The following DRGX variants were observed in gnomAD, a reference collection of about 807,000 sequenced individuals.
DRGX encodes dorsal root ganglia homeobox protein.
A neutral mutation model predicts 28.6 loss-of-function variants in DRGX; 21 were observed. The ratio of observed to expected loss-of-function variants is 0.73; its 90% confidence interval spans 0.52 to 1.06. The LOEUF (loss-of-function observed/expected upper bound fraction) is 1.06, where lower values mean the gene tolerates loss of function less well. DRGX is among the 50% of genes least tolerant of loss of function. The pLI is 0.00. For missense variants in DRGX, 354 were observed against 343.9 expected, an observed-to-expected ratio of 1.03 and a Z score of -0.23; for synonymous variants, 136 against 139.1, an observed-to-expected ratio of 0.98 and a Z score of 0.16.
rs540249602 is a variant in DRGX, at chr10:49,366,481, G to A, written c.527-100C>T. 27 of 1,475,158 alleles carry A rather than the reference G, an allele frequency of 1.8e-5. No homozygotes were observed. In the East Asian group the frequency reaches 5.9e-4, roughly 32 times the overall value. The allele number at this position is 1,475,158 out of a possible 1,614,324, so 91.4% of individuals were successfully genotyped here. ...CTGAGTTCTGAAGGACAGAAAGATT[G>A]ATTCCCTCTGGTGCCAGATACTAAA... On this transcript the variant is annotated intron_variant, in intron 6 of 6. Transcript: ENST00000374139.
intron 6 of DRGX, among the ~76,000 whole-genome samples, chr10:49,381,278 C>T (rs987068264): frequency 6.6e-6 from 1 of 152,244 alleles, no homozygotes; most frequent in African/African-American, 2.4e-5. Context: ...CACCTGGTAA[C>T]CCTGCAGACT....
chr10:49,374,347 C>T (rs1008997849), intron 6 of DRGX, among the ~76,000 whole-genome samples: 4 of 152,188 alleles, frequency 2.6e-5, no homozygotes, highest in Non-Finnish European at 5.9e-5. Context: ...CCATGAGATT[C>T]ACCAGCAACC....
chr10:49,382,784 A>T (rs150861953), intron 6 of DRGX, among the ~76,000 whole-genome samples: 1 of 152,186 alleles, frequency 6.6e-6, no homozygotes, highest in Non-Finnish European at 1.5e-5. Flanking sequence ...TGCCTATGCC[A>T]TTCCCTACAC....
intron 6 of DRGX, among the ~76,000 whole-genome samples, chr10:49,367,058 A>T (rs1849609187): frequency 6.6e-6 from 1 of 152,236 alleles, no homozygotes. Flanking sequence ...AATAGTGGCT[A>T]TTTAAAAATG....
chr10:49,389,014 T>C (rs1466204070), intron 4 of DRGX, among the ~76,000 whole-genome samples: 1 of 152,186 alleles, frequency 6.6e-6, no homozygotes, highest in East Asian at 1.9e-4. Context: ...TGCTCAATAA[T>C]TGTGTCATTT....
At chr10:49,377,220 A>G (rs2132475204) in intron 6 of DRGX, among the ~76,000 whole-genome samples, 1 of 152,246 alleles carries the variant, frequency 6.6e-6, no homozygotes, top group East Asian at 1.9e-4. Flanking sequence ...ACTGCATTAC[A>G]TTTTACTCTG....
intron 2 of DRGX, among the ~76,000 whole-genome samples, chr10:49,393,219 T>A (rs1183616624): frequency 6.6e-6 from 1 of 152,130 alleles, no homozygotes; most frequent in Non-Finnish European, 1.5e-5. Context: ...AATCAGTAGA[T>A]CTATATGCAT....
chr10:49,372,349 T>G (rs1440176970), intron 6 of DRGX, among the ~76,000 whole-genome samples: 3 of 152,128 alleles, frequency 2.0e-5, no homozygotes, highest in Non-Finnish European at 2.9e-5. Flanking sequence ...AATGCAGCTG[T>G]GTAGAGCAGA....
intron 6 of DRGX, among the ~76,000 whole-genome samples, chr10:49,376,313 C>A (rs1156345145): frequency 6.6e-6 from 1 of 152,222 alleles, no homozygotes; most frequent in Admixed American, 6.5e-5. Context: ...GACCCAGCCA[C>A]TTTCCCCATG....
In DRGX at chr10:49,391,266, C is replaced by T; in HGVS notation, c.35-5G>A. The T allele has an allele frequency of 6.2e-7, 1 of 1,607,388 alleles. No homozygotes were observed. Among genetic ancestry groups the T allele is most frequent in the Non-Finnish European group, 8.5e-7 (1 of 1,176,864 alleles). On this transcript the variant is annotated splice_polypyrimidine_tract_variant and splice_region_variant and intron_variant, in intron 2 of 6. Transcript: ENST00000374139. ...GATTGCCAAAGGTTGCAGTGCCTAC[C>T]AAGAGCAAACTGATCAACCTGGGCA...
At chr10:49,391,347 T>G in intron 2 of DRGX, 86 bp from the exon 3 acceptor site, 1 of 1,035,256 alleles carries the variant, frequency 9.7e-7, no homozygotes, top group Non-Finnish European at 1.5e-6. Context: ...GGCACCCACC[T>G]GACCCACCAG....
intron 2 of DRGX, among the ~76,000 whole-genome samples, chr10:49,392,581 A>G (rs1198619293): frequency 6.6e-6 from 1 of 152,236 alleles, no homozygotes; most frequent in African/African-American, 2.4e-5. Flanking sequence ...TGAGGATGGA[A>G]CACAATCTCT....
intron 6 of DRGX, among the ~76,000 whole-genome samples, chr10:49,377,858 G>A (rs1450608503): frequency 2.6e-5 from 4 of 152,038 alleles, no homozygotes; most frequent in African/African-American, 9.7e-5. Context: ...CTAACTTTTG[G>A]GGCAACCACA....
chr10:49,376,554 A>G lies in DRGX; in HGVS notation c.526+9924T>C, dbSNP rs1339490348. On this transcript the variant is annotated intron_variant, in intron 6 of 6. Coordinates refer to ENST00000374139, the MANE Select transcript of DRGX (RefSeq NM_001276451.2). ...CTCAGCGATCCAAACCCAAGCCCTA[A>G]TCAGATCCCAAGTGACTTTTTGGCT... 2.0e-5 allele frequency among the ~76,000 whole-genome samples: 3 copies of G among 152,298 alleles called. No homozygotes were observed. In the East Asian group the frequency reaches 5.8e-4, roughly 29 times the overall value.
chr10:49,378,406 T>A (rs1052387915), intron 6 of DRGX, among the ~76,000 whole-genome samples: 19 of 152,204 alleles, frequency 1.2e-4, no homozygotes, highest in Non-Finnish European at 4.4e-5. Context: ...TCAGGGTTGC[T>A]CTGGGCTGTG....
intron 4 of DRGX, among the ~76,000 whole-genome samples, chr10:49,389,756 G>C (rs974628745): frequency 2.6e-5 from 4 of 152,024 alleles, no homozygotes; most frequent in African/African-American, 9.7e-5. Context: ...CTGAAAACGC[G>C]GTTCTCTGCA....
chr10:49,390,429 G>C (rs193157364), intron 3 of DRGX, among the ~76,000 whole-genome samples, 195 bp from the exon 4 acceptor site: 325 of 152,260 alleles, frequency 2.1e-3, no homozygotes, highest in African/African-American at 7.4e-3. Flanking sequence ...AGGAGCTACG[G>C]CTTACTAGCA....
intron 6 of DRGX, among the ~76,000 whole-genome samples, chr10:49,382,935 G>A (rs369642688): frequency 2.6e-5 from 4 of 152,262 alleles, no homozygotes; most frequent in South Asian, 4.1e-4. Context: ...GAGGGACCCC[G>A]GGGAGAATTG....
chr10:49,382,625 G>C (rs1849789014), intron 6 of DRGX, among the ~76,000 whole-genome samples: 1 of 152,132 alleles, frequency 6.6e-6, no homozygotes, highest in South Asian at 2.1e-4. Flanking sequence ...GAGAAGACTG[G>C]GCTGCAAGAG....
Sources: allele counts gnomAD v4.1 joint callset (sites outside exome capture counted in the v4.1 genomes callset), GRCh38; gene constraint gnomAD v4.1.1; transcripts MANE v1.5; gene names NCBI Gene and HGNC (gene_info 2026-07-23, HGNC 2026-07-21).